CSNK1D: variants seen among roughly 807,000 people sequenced by gnomAD.
CSNK1D encodes casein kinase 1 delta.
A neutral mutation model predicts 46.6 loss-of-function variants in CSNK1D; 16 were observed. The observed-to-expected ratio is 0.34, with a 90% CI of 0.23 to 0.52. The LOEUF (loss-of-function observed/expected upper bound fraction) is 0.52, where lower values mean the gene tolerates loss of function less well. Among genes scored for constraint, CSNK1D ranks in the 20% least tolerant of loss-of-function variants. CSNK1D has a pLI of 0.95. For missense variants in CSNK1D, 398 were observed against 578.4 expected (o/e 0.69, Z 3.20); for synonymous variants, 276 against 228.2 (o/e 1.21, Z -1.89).
At chr17:82,258,374 C>T (rs189409155) in intron 2 of CSNK1D, among the ~76,000 whole-genome samples, 159 of 151,512 alleles carry the variant, frequency 1.0e-3, no homozygotes, top group African/African-American at 3.7e-3. Context: ...TACACATCTA[C>T]TTTCAGATTT....
chr17:82,239,886 G>C (rs929022558), downstream of CSNK1D: 1 of 749,328 alleles, frequency 1.3e-6, no homozygotes, highest in Non-Finnish European at 1.8e-6. Flanking sequence ...CCCAGCGCTT[G>C]GGCTTGTCCT....
rs753852498 is a variant in CSNK1D, at chr17:82,252,570, G to A, written c.600C>T (p.Gly200=). The change falls in exon 5 of 9, where the codon GGC becomes GGT. Residue 200 remains glycine, a synonymous_variant. Transcript: ENST00000314028. The surrounding 1 kb of genome is among the most constrained non-coding windows in gnomAD (Gnocchi z 4.6). The part of the protein sequence containing the change: ...QSRRDDLESL[G]YVLMYFNLGS... Reference sequence around the variant, plus strand: ...CCAGGTTGAAGTACATTAGCACGTAGCCCAGAGACTCCAAGTCATCTCTTC... The same window carrying A: ...CCAGGTTGAAGTACATTAGCACGTAACCCAGAGACTCCAAGTCATCTCTTC... 8 of 1,614,010 alleles carry A rather than the reference G, an allele frequency of 5.0e-6. No individual in the cohort carries two copies. The highest frequency in any genetic ancestry group is 6.8e-6 in the Non-Finnish European group (8 of 1,180,038).
chr17:82,260,052 T>C (rs1411486920), intron 2 of CSNK1D, among the ~76,000 whole-genome samples: 1 of 149,436 alleles, frequency 6.7e-6, no homozygotes, highest in Non-Finnish European at 1.5e-5. Context: ...TGACTGATGG[T>C]GTACTGACTG....
Position 82,273,462 on chromosome 17 carries a change from C to G in CSNK1D, c.-81G>C. Reference sequence around the variant, plus strand: ...CTGGGAGGCGGCGCCGCTGCTGCCGCTACTGCGGGTCCGGCTCCCGGCTCC... The same window carrying G: ...CTGGGAGGCGGCGCCGCTGCTGCCGGTACTGCGGGTCCGGCTCCCGGCTCC... On this transcript the variant is annotated 5_prime_UTR_variant, in exon 1 of 9. Coordinates refer to ENST00000314028, the MANE Select transcript of CSNK1D (RefSeq NM_001893.6). The surrounding 1 kb of genome is among the most constrained non-coding windows in gnomAD (Gnocchi z 5.1). 10 of 1,553,814 alleles carry G rather than the reference C, an allele frequency of 6.4e-6. No homozygotes were observed. Among genetic ancestry groups the G allele is most frequent in the Non-Finnish European group, 8.8e-6 (10 of 1,142,068 alleles).
At chr17:82,271,557 T>C (rs2051624704) in intron 1 of CSNK1D, among the ~76,000 whole-genome samples, 2 of 152,204 alleles carry the variant, frequency 1.3e-5, no homozygotes, top group Non-Finnish European at 2.9e-5. Flanking sequence ...CCACCTGGTA[T>C]AAATGTTTAA....
At position 82,273,181 on chromosome 17, in the gene CSNK1D, C is replaced by A; in HGVS notation, c.76+125G>T. ...GTGGCCGTTGGGTTCTGGCCACGAT[C>A]CGGCGGTGCCGGGACTTGCGCGGAG... On this transcript the variant is annotated intron_variant, in intron 1 of 8. Coordinates refer to ENST00000314028, the MANE Select transcript of CSNK1D (RefSeq NM_001893.6). This position sits in a 1 kb window ranked among gnomAD's most constrained non-coding sequence, Gnocchi z 5.1. 2.0e-6 allele frequency: 2 copies of A among 976,256 alleles called. No homozygotes were observed. Among genetic ancestry groups the A allele is most frequent in the Non-Finnish European group, 3.0e-6 (2 of 666,506 alleles). The allele number at this position is 976,256 out of a possible 1,614,324, so 60.5% of individuals were successfully genotyped here. A position where few individuals can be genotyped will look rare whatever the true frequency, so the allele number is the denominator to read the frequency against.
chr17:82,246,456 G>A lies in CSNK1D; in HGVS notation c.1198-1625C>T, dbSNP rs546325353. On this transcript the variant is annotated intron_variant, in intron 8 of 8. Coordinates refer to ENST00000314028, the MANE Select transcript of CSNK1D (RefSeq NM_001893.6). ...GTCCTGGGCAGGAGTTGATCAAAGC[G>A]AGTCATCGACTGTTGGAATGACAAG... The A allele has an allele frequency of 3.9e-5, 44 of 1,137,536 alleles. 1 individual carries two copies. The South Asian group carries it at 6.9e-4, about 18-fold the overall frequency. 70.5% of individuals were successfully genotyped at this position (1,137,536 alleles called of 1,614,324 possible).
chr17:82,241,328 C>A (rs1209719324), downstream of CSNK1D, among the ~76,000 whole-genome samples: 1 of 152,226 alleles, frequency 6.6e-6, no homozygotes, highest in Non-Finnish European at 1.5e-5. Flanking sequence ...CCTCAGCCTT[C>A]CGAGGGGTCT....
Position 82,243,742 on chromosome 17 carries a change from C to T in CSNK1D, c.*1039G>A, listed in dbSNP as rs566826191. ...TTTTAAGCACAGGCATTCATACAGA[C>T]GGAGTGCCAATCCGCACAGGAGCAT... On this transcript the variant is annotated 3_prime_UTR_variant, in exon 9 of 9. Coordinates refer to ENST00000314028, the MANE Select transcript of CSNK1D (RefSeq NM_001893.6). 9 of 985,438 alleles carry T rather than the reference C, an allele frequency of 9.1e-6. No individual in the cohort carries two copies. The highest frequency in any genetic ancestry group is 9.4e-5 in the South Asian group (2 of 21,284). 61.0% of individuals were successfully genotyped at this position (985,438 alleles called of 1,614,324 possible).
chr17:82,250,459 C>T lies in CSNK1D; in HGVS notation c.886-857G>A, dbSNP rs1267034598. On this transcript the variant is annotated intron_variant, in intron 6 of 8. Transcript: ENST00000314028. This position sits in a 1 kb window ranked among gnomAD's most constrained non-coding sequence, Gnocchi z 4.6. ...GCAGGAGGGTCGCTCTGATTCCTCC[C>T]GAGGCAGCACAGCCCCGGCAGAGGG... The T allele has an allele frequency of 1.8e-5, 6 of 325,896 alleles. No homozygotes were observed. Among genetic ancestry groups the T allele is most frequent in the Admixed American group, 4.1e-5 (1 of 24,372 alleles). 20.2% of individuals were successfully genotyped at this position (325,896 alleles called of 1,614,324 possible).
chr17:82,262,089 T>C (rs1473280849), intron 2 of CSNK1D, among the ~76,000 whole-genome samples: 3 of 152,254 alleles, frequency 2.0e-5, no homozygotes, highest in Non-Finnish European at 4.4e-5. Context: ...TCATAAAAAC[T>C]AGGTGTCTAT....
rs1483921891 is a variant in CSNK1D, at chr17:82,249,459, G to A, written c.1029C>T (p.Pro343=). The change falls in exon 7 of 9, where the codon CCC becomes CCT. Residue 343 remains proline, a synonymous_variant. Transcript: ENST00000314028. The surrounding 1 kb of genome is among the most constrained non-coding windows in gnomAD (Gnocchi z 6.7). ...RLRGTQEVAP[P]TPLTPTSHTA... The stretch of plus-strand genomic sequence containing the variant: ...TGTGTGAGGTAGGGGTGAGGGGTGT[G>A]GGGGGAGCCACTTCCTGCGTCCCCC... 2.6e-6 allele frequency: 4 copies of A among 1,539,894 alleles called. No individual in the cohort carries two copies. The highest frequency in any genetic ancestry group is 3.5e-6 in the Non-Finnish European group (4 of 1,146,326).
In CSNK1D at chr17:82,252,617, G is replaced by A. The variant is rs1298594803; in HGVS notation, c.566-13C>T. On this transcript the variant is annotated splice_polypyrimidine_tract_variant and intron_variant, in intron 4 of 8. Transcript: ENST00000314028. This position sits in a 1 kb window ranked among gnomAD's most constrained non-coding sequence, Gnocchi z 4.6. ...CTTCGGGATTGTTCTGAAAAGAAAA[G>A]GGAAAGGCGTGAAGAACGGCACTTG... 7 of 1,612,620 alleles carry A rather than the reference G, an allele frequency of 4.3e-6. No homozygotes were observed. The African/African-American group carries it at 9.3e-5, about 22-fold the overall frequency.
At position 82,251,300 on chromosome 17, in the gene CSNK1D, C is replaced by CT; in HGVS notation, c.885+78_885+79insA. ...CTCCCTATATGGTACAGCCCCTCAA[C>CT]AAGACGGCCGCCGGCCTCTCACTGA... is the stretch of plus-strand genomic sequence containing the variant. On this transcript the variant is annotated intron_variant, in intron 6 of 8. Transcript: ENST00000314028. This position sits in a 1 kb window ranked among gnomAD's most constrained non-coding sequence, Gnocchi z 4.5. The CT allele has an allele frequency of 6.4e-7, 1 of 1,561,054 alleles. No homozygotes were observed. The highest frequency in any genetic ancestry group is 1.4e-5 in the African/African-American group (1 of 73,916).
chr17:82,248,611 C>T lies in CSNK1D; in HGVS notation c.1197+264G>A. The T allele has an allele frequency of 7.5e-7, 1 of 1,332,024 alleles. No homozygotes were observed. The highest frequency in any genetic ancestry group is 1.6e-5 in the South Asian group (1 of 62,184). The allele number at this position is 1,332,024 out of a possible 1,614,324, so 82.5% of individuals were successfully genotyped here. ...GGCACTCAAACAGCAGGAGAAAGCCCCCACGGTTTGCTGGCCTCAGGGACC... is the reference window on the plus strand; with the variant it reads ...GGCACTCAAACAGCAGGAGAAAGCCTCCACGGTTTGCTGGCCTCAGGGACC... On this transcript the variant is annotated intron_variant, in intron 8 of 8. Transcript: ENST00000314028. The surrounding 1 kb of genome is among the most constrained non-coding windows in gnomAD (Gnocchi z 4.1).
chr17:82,251,625 A>G lies in CSNK1D; in HGVS notation c.737-98T>C, dbSNP rs1006050791. The stretch of plus-strand genomic sequence containing the variant: ...GTCTACCTCCTGCTGCTGCACACTC[A>G]AGGGGAGAAGGACAGATGCAAAACA... On this transcript the variant is annotated intron_variant, in intron 5 of 8. Transcript: ENST00000314028. The surrounding 1 kb of genome is among the most constrained non-coding windows in gnomAD (Gnocchi z 4.5). 4 of 1,204,638 alleles carry G rather than the reference A, an allele frequency of 3.3e-6. No individual in the cohort carries two copies. In the Admixed American group the frequency reaches 5.8e-5, roughly 17 times the overall value. 74.6% of individuals were successfully genotyped at this position (1,204,638 alleles called of 1,614,324 possible). A position where few individuals can be genotyped will look rare whatever the true frequency, so the allele number is the denominator to read the frequency against.
In CSNK1D at chr17:82,249,498, G is replaced by A. The variant is rs1183526734; in HGVS notation, c.990C>T (p.Ala330=). 2.6e-6 allele frequency: 4 copies of A among 1,544,018 alleles called. No individual in the cohort carries two copies. Among genetic ancestry groups the A allele is most frequent in the South Asian group, 1.2e-5 (1 of 83,988 alleles). The change falls in exon 7 of 9, where the codon GCC becomes GCT. Residue 330 remains alanine (A), a synonymous_variant. Coordinates refer to ENST00000314028, the MANE Select transcript of CSNK1D (RefSeq NM_001893.6). This position sits in a 1 kb window ranked among gnomAD's most constrained non-coding sequence, Gnocchi z 6.7. ...NPATRGLPST[A]SGRLRGTQEV... is the part of the protein sequence containing the mutation. ...CCTGCGTCCCCCGCAGGCGGCCGGA[G>A]GCTGTGGAAGGGAGGCCGCGGGTAG... is the stretch of plus-strand genomic sequence containing the variant.
intron 8 of CSNK1D, chr17:82,245,523 G>T: frequency 4.3e-6 from 1 of 235,132 alleles, no homozygotes; most frequent in Non-Finnish European, 8.5e-6. Flanking sequence ...TGCCCAGAGT[G>T]TGGCGCAGCA....
chr17:82,254,489 G>T (rs78023480), intron 3 of CSNK1D: 2 of 230,976 alleles, frequency 8.7e-6, no homozygotes, highest in African/African-American at 3.0e-5. Context: ...CTGAGCCGCC[G>T]GAGCCTCGAG....
Sources: gnomAD v4.1 joint callset for allele counts (sites outside exome capture counted in the v4.1 genomes callset) on GRCh38, gnomAD v4.1.1 for gene constraint, Gnocchi (gnomAD v3.1) non-coding constraint, MANE v1.5 for transcripts, NCBI Gene and HGNC (gene_info 2026-07-23, HGNC 2026-07-21) for gene names.